The following NUP205 variants were observed in gnomAD, a reference collection of about 807,000 sequenced individuals.
The protein encoded by NUP205 is nucleoporin 205.
A neutral mutation model predicts 253.8 loss-of-function variants in NUP205; 76 were observed. The observed-to-expected ratio is 0.30, with a 90% CI of 0.25 to 0.36. NUP205 has a LOEUF of 0.36. NUP205 is among the 10% of genes least tolerant of loss of function. The pLI is 1.00. For missense variants in NUP205, 2,162 were observed against 2,425.5 expected (o/e 0.89, Z 2.28); for synonymous variants, 832 against 850.1 (o/e 0.98, Z 0.37).
At chr7:135,599,425 A>G (rs1793918585) in intron 15 of NUP205, among the ~76,000 whole-genome samples, 1 of 152,140 alleles carries the variant, frequency 6.6e-6, no homozygotes, top group Admixed American at 6.6e-5. Flanking sequence ...TGGGGTATAC[A>G]CTTTACTTAG....
At chr7:135,570,871 A>ATATATGTAATATATTATATATTATGTATT (rs1563110322) in intron 1 of NUP205, among the ~76,000 whole-genome samples, 3 of 104,614 alleles carry the variant, frequency 2.9e-5, no homozygotes, top group African/African-American at 7.2e-5. Context: ...TAAATATAAA[A>ATATATGTAATATATTATATATTATGTATT]TATATGTAAT....
chr7:135,638,349 A>G (rs1370503881), intron 37 of NUP205, among the ~76,000 whole-genome samples: 1 of 145,050 alleles, frequency 6.9e-6, no homozygotes, highest in Non-Finnish European at 1.5e-5. Flanking sequence ...CAAGAGGCAG[A>G]GGTTGTAGTG....
intron 2 of NUP205, among the ~76,000 whole-genome samples, chr7:135,572,410 A>G (rs968869903): frequency 6.6e-6 from 1 of 152,130 alleles, no homozygotes; most frequent in Non-Finnish European, 1.5e-5. Context: ...ATAGTAGTTT[A>G]TAGTATTATG....
intron 38 of NUP205, among the ~76,000 whole-genome samples, chr7:135,642,431 C>T (rs540688487): frequency 2.0e-5 from 3 of 152,124 alleles, no homozygotes; most frequent in Admixed American, 1.3e-4. Flanking sequence ...AAGCCATTCT[C>T]TCTCCTCAGC....
chr7:135,587,465 T>TA, intron 8 of NUP205, 110 bp from the exon 9 acceptor site: 1 of 503,724 alleles, frequency 2.0e-6, no homozygotes, highest in Non-Finnish European at 3.4e-6. Flanking sequence ...AATAGATATT[T>TA]AAAAAATATA....
At chr7:135,600,602 G>A (rs1793946396) in intron 15 of NUP205, among the ~76,000 whole-genome samples, 1 of 152,124 alleles carries the variant, frequency 6.6e-6, no homozygotes, top group Non-Finnish European at 1.5e-5. Flanking sequence ...TGTTTTCAAT[G>A]TATTAATGAA....
intron 1 of NUP205, among the ~76,000 whole-genome samples, chr7:135,559,251 A>C (rs146087149): frequency 6.6e-6 from 1 of 152,368 alleles, no homozygotes; most frequent in Non-Finnish European, 1.5e-5. Context: ...TATTAGACGT[A>C]TATATTAGAA....
rs188967949 is a variant in NUP205, at chr7:135,583,417, A to C, written c.1043-1415A>C. Among the ~76,000 whole-genome samples, 4 of 152,278 alleles carry C rather than the reference A, an allele frequency of 2.6e-5. No homozygotes were observed. In the East Asian group the frequency reaches 7.7e-4, roughly 29 times the overall value. ...TAGAAAGTTGAATGTAAGTCAGATT[A>C]AGTTACTCTAGATCAAGCCACTGCA... On this transcript the variant is annotated intron_variant, in intron 7 of 42. Transcript: ENST00000285968.
At chr7:135,637,539 A>G (rs556874041) in intron 36 of NUP205, among the ~76,000 whole-genome samples, 1 of 152,332 alleles carries the variant, frequency 6.6e-6, no homozygotes, top group East Asian at 1.9e-4. Flanking sequence ...TTGGTAGACA[A>G]AATTATCACA....
chr7:135,569,319 C>T (rs183965590), intron 1 of NUP205, among the ~76,000 whole-genome samples: 74 of 152,274 alleles, frequency 4.9e-4, no homozygotes, highest in African/African-American at 1.5e-3. Context: ...GTGATCCGCC[C>T]GCCTTGGCCT....
At chr7:135,606,967 A>ATATTT (rs1451602841) in intron 21 of NUP205, 52 bp downstream of exon 21, 1 of 1,529,708 alleles carries the variant, frequency 6.5e-7, no homozygotes, top group Non-Finnish European at 9.0e-7. Context: ...TGTGTATCTC[A>ATATTT]GGGGTCACTG....
At chr7:135,641,387 C>T (rs965802435) in intron 38 of NUP205, among the ~76,000 whole-genome samples, 1 of 152,150 alleles carries the variant, frequency 6.6e-6, no homozygotes, top group African/African-American at 2.4e-5. Context: ...GAAGAGGATA[C>T]CTGGCAAACT....
chr7:135,621,937 G>A (rs1037191671), intron 30 of NUP205, among the ~76,000 whole-genome samples: 1 of 151,756 alleles, frequency 6.6e-6, no homozygotes, highest in Non-Finnish European at 1.5e-5. Flanking sequence ...CCAGTAACTG[G>A]GATTATAGGT....
chr7:135,620,766 C>T (rs1171122798), intron 30 of NUP205, among the ~76,000 whole-genome samples: 1 of 152,096 alleles, frequency 6.6e-6, no homozygotes, highest in Non-Finnish European at 1.5e-5. Flanking sequence ...CCAGTATAAA[C>T]TCATCAATAG....
intron 1 of NUP205, 93 bp downstream of exon 1, chr7:135,558,065 C>T: frequency 9.3e-7 from 1 of 1,075,206 alleles, no homozygotes; most frequent in South Asian, 1.3e-5. Context: ...AGTCTAGGAC[C>T]CCACTTATGT....
intron 17 of NUP205, among the ~76,000 whole-genome samples, chr7:135,602,148 G>A (rs559567886): frequency 6.6e-6 from 1 of 152,146 alleles, no homozygotes; most frequent in Non-Finnish European, 1.5e-5. Flanking sequence ...TAATGTGGCT[G>A]TGATCAAAAT....
At chr7:135,640,801 G>A (rs930693546) in intron 38 of NUP205, among the ~76,000 whole-genome samples, 1 of 152,188 alleles carries the variant, frequency 6.6e-6, no homozygotes, top group African/African-American at 2.4e-5. Flanking sequence ...ACAAAGATTT[G>A]TAGTTCTATT....
rs117855872 is a variant in NUP205, at chr7:135,572,819, T to A, written c.172-835T>A. On this transcript the variant is annotated intron_variant, in intron 2 of 42. Coordinates refer to ENST00000285968, the MANE Select transcript of NUP205 (RefSeq NM_015135.3). ...ATCTGCCTGTTTCAGCCTCTCAAAG[T>A]GCTAGGATTATAGGCATGACCCACC... Among the ~76,000 whole-genome samples the A allele has an allele frequency of 2.8e-3, 432 of 152,314 alleles. 9 individuals carry two copies. In the East Asian group the frequency reaches 0.051, roughly 18 times the overall value.
chr7:135,591,824 C>A (rs1348175730), intron 11 of NUP205, among the ~76,000 whole-genome samples: 4 of 152,174 alleles, frequency 2.6e-5, no homozygotes, highest in Non-Finnish European at 4.4e-5. Flanking sequence ...TTATAAAATA[C>A]AGTTCATTTT....
Sources: gnomAD v4.1 joint callset for allele counts (sites outside exome capture counted in the v4.1 genomes callset) on GRCh38, gnomAD v4.1.1 for gene constraint, MANE v1.5 for transcripts, NCBI Gene and HGNC (gene_info 2026-07-23, HGNC 2026-07-21) for gene names.